ESRRG: variants seen among roughly 807,000 people sequenced by gnomAD.
ESRRG encodes estrogen-related receptor gamma.
A neutral mutation model predicts 44.0 loss-of-function variants in ESRRG; 13 were observed. The ratio of observed to expected loss-of-function variants is 0.30; its 90% confidence interval spans 0.19 to 0.47. The LOEUF (loss-of-function observed/expected upper bound fraction) is 0.47. Ranked by LOEUF, ESRRG falls within the 20% of genes least tolerant of loss-of-function variation. The pLI, the probability that ESRRG is intolerant of heterozygous loss-of-function variation, is 1.00. For synonymous variants in ESRRG, 215 were observed against 214.6 expected (o/e 1.00, Z -0.02); for missense variants, 395 against 580.6 (o/e 0.68, Z 3.29).
At chr1:217,050,199 G>C (rs1161142741) in intron 1 of ESRRG, among the ~76,000 whole-genome samples, 7 of 152,138 alleles carry the variant, frequency 4.6e-5, no homozygotes, top group Admixed American at 2.6e-4. Flanking sequence ...TTTGAGCTGG[G>C]GGGGTGAAAA....
rs149402051 is a variant in ESRRG at position 217,108,992 on chromosome 1, A to G, written c.-230+28675T>C. 4.0e-3 allele frequency among the ~76,000 whole-genome samples: 608 copies of G among 152,306 alleles called. 35 individuals carry two copies. The South Asian group carries it at 0.11, about 26-fold the overall frequency. On this transcript the variant is annotated intron_variant, in intron 1 of 8. Coordinates refer to the ESRRG transcript ENST00000366940. ...ACATTAAATGGATCTTTAAAAAATC[A>G]TTACAACAACATCTTTACAACAGAT...
chr1:217,074,573 C>T (rs1186151784), intron 1 of ESRRG, among the ~76,000 whole-genome samples: 1 of 151,920 alleles, frequency 6.6e-6, no homozygotes, highest in African/African-American at 2.4e-5. Context: ...TGCAGTGGCT[C>T]ATGCCTGTAA....
chr1:216,616,144 G>A (rs1249979840), intron 3 of ESRRG, among the ~76,000 whole-genome samples: 1 of 152,138 alleles, frequency 6.6e-6, no homozygotes, highest in African/African-American at 2.4e-5. Context: ...TCGCTGTGGT[G>A]GATGATCACA....
chr1:217,093,267 G>C (rs2092375722), upstream of ESRRG, among the ~76,000 whole-genome samples: 1 of 152,098 alleles, frequency 6.6e-6, no homozygotes, highest in South Asian at 2.1e-4. Flanking sequence ...CACAAGGAAG[G>C]GTTGAACCAG....
At chr1:216,581,974 T>C (rs1427763945) in intron 3 of ESRRG, among the ~76,000 whole-genome samples, 1 of 152,242 alleles carries the variant, frequency 6.6e-6, no homozygotes, top group Non-Finnish European at 1.5e-5. Context: ...TTGATAGAAG[T>C]CAAGTTTGAC....
At chr1:216,776,034 A>T (rs984544425) in intron 2 of ESRRG, among the ~76,000 whole-genome samples, 17 of 152,026 alleles carry the variant, frequency 1.1e-4, no homozygotes, top group Admixed American at 6.6e-4. Flanking sequence ...AACCAGAGTG[A>T]TCACTTTAAA....
At chr1:216,828,500 A>G (rs557598743) in intron 2 of ESRRG, among the ~76,000 whole-genome samples, 11 of 152,292 alleles carry the variant, frequency 7.2e-5, no homozygotes, top group African/African-American at 1.2e-4. Flanking sequence ...AGCACATAAC[A>G]ATAGTAAGAG....
At chr1:216,818,924 T>C (rs1041301743) in intron 2 of ESRRG, among the ~76,000 whole-genome samples, 3 of 152,272 alleles carry the variant, frequency 2.0e-5, no homozygotes, top group South Asian at 2.1e-4. Context: ...TCTATCCATG[T>C]CCCGGCAAAG....
intron 1 of ESRRG, among the ~76,000 whole-genome samples, chr1:217,047,146 T>A (rs2085038030): frequency 6.6e-6 from 1 of 152,112 alleles, no homozygotes; most frequent in African/African-American, 2.4e-5. Flanking sequence ...AAACTACTTA[T>A]CATTTGAATA....
At chr1:217,020,793 C>T (rs766149696) in intron 1 of ESRRG, among the ~76,000 whole-genome samples, 7 of 152,144 alleles carry the variant, frequency 4.6e-5, no homozygotes, top group East Asian at 1.9e-4. Context: ...TATGAAGCTA[C>T]GTGATGTCTC....
At chr1:216,690,336 T>C (rs2078836367) in intron 1 of ESRRG, among the ~76,000 whole-genome samples, 1 of 151,972 alleles carries the variant, frequency 6.6e-6, no homozygotes, top group African/African-American at 2.4e-5. Context: ...TGAACTGTGA[T>C]AAATGCAATG....
intron 1 of ESRRG, among the ~76,000 whole-genome samples, chr1:216,992,485 T>C (rs2075858220): frequency 6.6e-6 from 1 of 152,208 alleles, no homozygotes; most frequent in African/African-American, 2.4e-5. Flanking sequence ...CATTGTTTTG[T>C]TCCTCAGTAC....
intron 2 of ESRRG, among the ~76,000 whole-genome samples, chr1:216,907,953 C>T (rs2059870762): frequency 6.6e-6 from 1 of 151,962 alleles, no homozygotes; most frequent in Non-Finnish European, 1.5e-5. Flanking sequence ...TTTTTTATGT[C>T]TATTTTTATT....
chr1:216,788,984 G>A (rs1196711305), intron 2 of ESRRG, among the ~76,000 whole-genome samples: 1 of 152,164 alleles, frequency 6.6e-6, no homozygotes, highest in Non-Finnish European at 1.5e-5. Flanking sequence ...AACTTGAATA[G>A]AGGAGGAGTT....
intron 2 of ESRRG, chr1:216,862,370 G>A (rs947372473): frequency 6.6e-6 from 1 of 151,924 alleles, no homozygotes; most frequent in Admixed American, 6.6e-5. Context: ...GATTACAGGT[G>A]CGTGCCACCA....
chr1:216,537,840 G>A (rs772190915), intron 5 of ESRRG, among the ~76,000 whole-genome samples: 20 of 152,076 alleles, frequency 1.3e-4, no homozygotes, highest in Non-Finnish European at 2.6e-4. Flanking sequence ...TTAGAGGTAT[G>A]ATTTGTACCG....
At chr1:217,041,590 G>T (rs1038572173) in intron 1 of ESRRG, among the ~76,000 whole-genome samples, 1 of 152,120 alleles carries the variant, frequency 6.6e-6, no homozygotes, top group Admixed American at 6.6e-5. Context: ...TCCATCTTTT[G>T]CTTCTCTGGA....
intron 1 of ESRRG, among the ~76,000 whole-genome samples, chr1:217,136,630 G>A (rs1319384310): frequency 6.6e-6 from 1 of 152,158 alleles, no homozygotes; most frequent in African/African-American, 2.4e-5. Flanking sequence ...AGACCCAACG[G>A]ATGGGATCTA....
chr1:217,044,893 C>A (rs1321720251), intron 1 of ESRRG, among the ~76,000 whole-genome samples: 3 of 152,174 alleles, frequency 2.0e-5, no homozygotes, highest in African/African-American at 7.2e-5. Flanking sequence ...CACACACAAA[C>A]ACACTCACAT....
Sources: allele counts gnomAD v4.1 joint callset (sites outside exome capture counted in the v4.1 genomes callset), GRCh38; gene constraint gnomAD v4.1.1; transcripts MANE v1.5; gene names NCBI Gene and HGNC (gene_info 2026-07-23, HGNC 2026-07-21).